Variants in CD84 observed in about 807,000 individuals in gnomAD.
CD84 encodes SLAM family member 5.
In CD84, 22 loss-of-function variants were observed where a neutral mutation model predicts 33.8. That is an observed-to-expected ratio of 0.65 (90% CI 0.46 to 0.93). The LOEUF (loss-of-function observed/expected upper bound fraction) is 0.93, where lower values mean the gene tolerates loss of function less well. Ranked by LOEUF, CD84 falls within the 40% of genes least tolerant of loss-of-function variation. CD84 has a pLI of 0.00. For missense variants in CD84, 400 were observed against 397.6 expected (o/e 1.01, Z -0.05); for synonymous variants, 154 against 145.2 (o/e 1.06, Z -0.44).
chr1:160,557,303 C>A lies in CD84; in HGVS notation c.389-3157G>T, dbSNP rs1432242802. On this transcript the variant is annotated intron_variant, in intron 2 of 6. Coordinates refer to ENST00000368054, the MANE Select transcript of CD84 (RefSeq NM_003874.4). ...ATTCAATCATCTTATATTAATCGAA[C>A]ATTCACAATTGCTAAGCACTGTGAA... Among the ~76,000 whole-genome samples the A allele has an allele frequency of 2.0e-5, 3 of 152,220 alleles. No individual in the cohort carries two copies. In the East Asian group the frequency reaches 5.8e-4, roughly 29 times the overall value.
intron 1 of CD84, among the ~76,000 whole-genome samples, chr1:160,578,878 A>T (rs1263938504): frequency 6.6e-6 from 1 of 152,192 alleles, no homozygotes; most frequent in Non-Finnish European, 1.5e-5. Flanking sequence ...AAAGCAGAGT[A>T]ATAGCTCTGT....
intron 5 of CD84, 45 bp from the exon 6 acceptor site, chr1:160,550,024 TC>T: frequency 8.0e-7 from 1 of 1,255,154 alleles, no homozygotes; most frequent in Non-Finnish European, 1.1e-6. Flanking sequence ...CCCAGGCCCA[TC>T]TACAAGTCCC....
At chr1:160,570,547 T>C (rs909054889) in intron 1 of CD84, among the ~76,000 whole-genome samples, 2 of 152,204 alleles carry the variant, frequency 1.3e-5, no homozygotes, top group Admixed American at 6.5e-5. Context: ...GGAAGTGTTG[T>C]ATATGACTTC....
intron 1 of CD84, among the ~76,000 whole-genome samples, chr1:160,568,341 C>T (rs1657455290): frequency 6.6e-6 from 1 of 151,966 alleles, no homozygotes; most frequent in African/African-American, 2.4e-5. Context: ...AAAGAGCAAT[C>T]AGGCAGTGGG....
chr1:160,563,042 A>G (rs1314099329), intron 2 of CD84, among the ~76,000 whole-genome samples: 1 of 152,224 alleles, frequency 6.6e-6, no homozygotes, highest in Non-Finnish European at 1.5e-5. Flanking sequence ...ACAATGAGAT[A>G]CCATCTCCTG....
Position 160,548,210 on chromosome 1 carries a change from T to G in CD84, c.*46A>C. On this transcript the variant is annotated 3_prime_UTR_variant, in exon 7 of 7. Transcript: ENST00000368054. ...CTGGATCCAGGGAACCTGCCAGTAT[T>G]GGTGGTTGTAACTCAGTTTCCAGAG... 6.3e-7 allele frequency: 1 copy of G among 1,596,258 alleles called. No homozygotes were observed. The highest frequency in any genetic ancestry group is 8.6e-7 in the Non-Finnish European group (1 of 1,163,944).
chr1:160,564,851 T>C (rs972360499), intron 2 of CD84, among the ~76,000 whole-genome samples: 10 of 152,180 alleles, frequency 6.6e-5, no homozygotes, highest in Admixed American at 5.9e-4. Context: ...AAACTACCCA[T>C]GTGATTAAAT....
In CD84 at chr1:160,564,912, G is replaced by T. The variant is rs144205513; in HGVS notation, c.388+492C>A. 2.1e-3 allele frequency among the ~76,000 whole-genome samples: 313 copies of T among 152,296 alleles called. 1 individual carries two copies. The highest frequency in any genetic ancestry group is 7.3e-3 in the African/African-American group (302 of 41,570). On this transcript the variant is annotated intron_variant, in intron 2 of 6. Transcript: ENST00000368054. ...ACATAAATGAATGCATGCATACGTG[G>T]TGAAACCTAAATAAGCTCTATAGAT...
At chr1:160,562,931 C>A (rs1260073462) in intron 2 of CD84, among the ~76,000 whole-genome samples, 1 of 151,870 alleles carries the variant, frequency 6.6e-6, no homozygotes, top group Non-Finnish European at 1.5e-5. Context: ...TGGGCAAAAA[C>A]CATGAACAGA....
chr1:160,574,287 A>G (rs899843154), intron 1 of CD84, among the ~76,000 whole-genome samples: 6 of 152,158 alleles, frequency 3.9e-5, no homozygotes, highest in African/African-American at 1.4e-4. Flanking sequence ...ATTATTAACA[A>G]GAATCAGATG....
chr1:160,554,824 C>T (rs979129627), intron 2 of CD84, among the ~76,000 whole-genome samples: 1 of 151,862 alleles, frequency 6.6e-6, no homozygotes, highest in Non-Finnish European at 1.5e-5. Flanking sequence ...GATATAAATG[C>T]TTAGCAAAAA....
At chr1:160,564,021 G>A (rs1657163234) in intron 2 of CD84, among the ~76,000 whole-genome samples, 1 of 152,078 alleles carries the variant, frequency 6.6e-6, no homozygotes, top group African/African-American at 2.4e-5. Context: ...AAAGGTCAGG[G>A]GGAGGACCTG....
chr1:160,548,202 G>A lies in CD84; in HGVS notation c.*54C>T, dbSNP rs1280489401. On this transcript the variant is annotated 3_prime_UTR_variant, in exon 7 of 7. Coordinates refer to ENST00000368054, the MANE Select transcript of CD84 (RefSeq NM_003874.4). ...GAGAAGATCTGGATCCAGGGAACCT[G>A]CCAGTATTGGTGGTTGTAACTCAGT... 4 of 1,574,658 alleles carry A rather than the reference G, an allele frequency of 2.5e-6. No homozygotes were observed. The African/African-American group carries it at 4.1e-5, about 16-fold the overall frequency.
chr1:160,555,149 C>T (rs1432269661), intron 2 of CD84, among the ~76,000 whole-genome samples: 2 of 149,394 alleles, frequency 1.3e-5, no homozygotes, highest in South Asian at 4.2e-4. Context: ...GGCATGATCT[C>T]GGCTCACTGC....
In CD84 at chr1:160,541,336, A is replaced by T. The variant is rs770952347; in HGVS notation, c.*6920T>A. The T allele has an allele frequency of 6.6e-6, 1 of 152,248 alleles. No homozygotes were observed. Among genetic ancestry groups the T allele is most frequent in the Non-Finnish European group, 1.5e-5 (1 of 68,048 alleles). The allele number at this position is 152,248 out of a possible 1,614,324, so 9.4% of individuals were successfully genotyped here. On this transcript the variant is annotated 3_prime_UTR_variant, in exon 7 of 7. Coordinates refer to ENST00000368054, the MANE Select transcript of CD84 (RefSeq NM_003874.4). ...GAGCATAATTTCCATGTTCAAATGAATAATGAACTAATCAAAAAACCTTTT... is the reference window on the plus strand; with the variant it reads ...GAGCATAATTTCCATGTTCAAATGATTAATGAACTAATCAAAAAACCTTTT...
intron 2 of CD84, among the ~76,000 whole-genome samples, chr1:160,559,259 CACATCAGACT>C (rs1298381366): frequency 1.3e-5 from 2 of 152,244 alleles, no homozygotes; most frequent in East Asian, 3.9e-4. Flanking sequence ...CAAAGGGAAG[CACATCAGACT>C]AAAAGTGTAC....
At chr1:160,549,594 C>G (rs1656062203) in intron 6 of CD84, among the ~76,000 whole-genome samples, 1 of 152,078 alleles carries the variant, frequency 6.6e-6, no homozygotes, top group Non-Finnish European at 1.5e-5. Context: ...CCTGTTTTCT[C>G]ATTTTCACAC....
At chr1:160,553,693 A>G in intron 3 of CD84, 196 bp from the exon 4 acceptor site, 1 of 976,442 alleles carries the variant, frequency 1.0e-6, no homozygotes, top group South Asian at 1.7e-5. Context: ...AGGGGCTGCC[A>G]CAGAACACCC....
chr1:160,575,812 T>C (rs1395809358), intron 1 of CD84, among the ~76,000 whole-genome samples: 2 of 152,176 alleles, frequency 1.3e-5, no homozygotes, highest in Non-Finnish European at 2.9e-5. Context: ...ATCAGGCTCC[T>C]GTTGCGAAGG....
Sources: allele counts gnomAD v4.1 joint callset (sites outside exome capture counted in the v4.1 genomes callset), GRCh38; gene constraint gnomAD v4.1.1; transcripts MANE v1.5; gene names NCBI Gene and HGNC (gene_info 2026-07-23, HGNC 2026-07-21).